Variants in NRG1 observed in about 807,000 individuals in gnomAD.
The protein encoded by NRG1 is neuregulin 1.
In NRG1, 18 loss-of-function variants were observed where a neutral mutation model predicts 63.8. That is an observed-to-expected ratio of 0.28 (90% CI 0.19 to 0.42). The LOEUF (loss-of-function observed/expected upper bound fraction) is 0.42. Ranked by LOEUF, NRG1 falls within the 10% of genes least tolerant of loss-of-function variation. The pLI is 1.00. For synonymous variants in NRG1, 302 were observed against 301.3 expected (o/e 1.00, Z -0.02); for missense variants, 762 against 814.7 (o/e 0.94, Z 0.79).
intron 1 of NRG1, among the ~76,000 whole-genome samples, chr8:31,691,991 C>G (rs910055163): frequency 7.9e-5 from 12 of 152,118 alleles, no homozygotes; most frequent in African/African-American, 2.4e-5. Context: ...CACTACCACA[C>G]TCAGCTAATT....
chr8:31,975,660 A>G (rs1347467071), intron 1 of NRG1, among the ~76,000 whole-genome samples: 1 of 152,224 alleles, frequency 6.6e-6, no homozygotes, highest in Non-Finnish European at 1.5e-5. Flanking sequence ...TAGGATAATT[A>G]TGGTTTATCT....
chr8:32,186,470 AAAAAAAG>A (rs1249826669), intron 1 of NRG1, among the ~76,000 whole-genome samples: 7 of 151,988 alleles, frequency 4.6e-5, no homozygotes, highest in Admixed American at 3.3e-4. Flanking sequence ...CAAAAAAAAA[AAAAAAAG>A]AAAAAAGAAA....
chr8:31,941,065 C>T (rs1464145216), intron 1 of NRG1, among the ~76,000 whole-genome samples: 3 of 119,810 alleles, frequency 2.5e-5, no homozygotes, highest in East Asian at 2.0e-4. Flanking sequence ...GCCAGTATCA[C>T]CCTAATGCCA....
chr8:31,713,275 C>G (rs1336635895), intron 1 of NRG1, among the ~76,000 whole-genome samples: 7 of 151,860 alleles, frequency 4.6e-5, no homozygotes, highest in Non-Finnish European at 1.0e-4. Flanking sequence ...CACCACCAAG[C>G]CCGGCTAATT....
At chr8:32,307,406 A>G (rs1295003475) in intron 1 of NRG1, among the ~76,000 whole-genome samples, 1 of 151,690 alleles carries the variant, frequency 6.6e-6, no homozygotes, top group African/African-American at 2.4e-5. Flanking sequence ...AAGCAGCCAC[A>G]CCTCTCCCAA....
At chr8:32,269,531 A>T (rs1586529375) in intron 1 of NRG1, among the ~76,000 whole-genome samples, 3 of 152,248 alleles carry the variant, frequency 2.0e-5, no homozygotes, top group Non-Finnish European at 2.9e-5. Flanking sequence ...TTCCAGGTCC[A>T]TGGGGAACAA....
chr8:32,411,861 A>G (rs1282901891), intron 1 of NRG1, among the ~76,000 whole-genome samples: 3 of 152,244 alleles, frequency 2.0e-5, no homozygotes, highest in Non-Finnish European at 2.9e-5. Context: ...TCAAAATAAA[A>G]TCAAAATAAA....
intron 1 of NRG1, among the ~76,000 whole-genome samples, chr8:31,641,047 G>T (rs1007881799): frequency 6.6e-6 from 1 of 152,190 alleles, no homozygotes; most frequent in African/African-American, 2.4e-5. Context: ...TGGGTGATAT[G>T]AACTTGGCTT....
chr8:32,670,317 G>A (rs1244110522), intron 5 of NRG1, among the ~76,000 whole-genome samples: 1 of 152,130 alleles, frequency 6.6e-6, no homozygotes, highest in African/African-American at 2.4e-5. Context: ...GGAAGTTTTG[G>A]AAGTTACAAA....
At chr8:32,773,872 T>G (rs1243917998) in intron 7 of NRG1, among the ~76,000 whole-genome samples, 1 of 152,180 alleles carries the variant, frequency 6.6e-6, no homozygotes, top group African/African-American at 2.4e-5. Flanking sequence ...TTCAGTCTGA[T>G]TTTATGGTTT....
chr8:31,977,860 C>A (rs1167140829), intron 1 of NRG1, among the ~76,000 whole-genome samples: 2 of 151,724 alleles, frequency 1.3e-5, no homozygotes, highest in Non-Finnish European at 2.9e-5. Flanking sequence ...TCAGAAATAC[C>A]AAATTCATAA....
intron 1 of NRG1, among the ~76,000 whole-genome samples, chr8:31,669,440 T>C (rs547423751): frequency 6.6e-6 from 1 of 152,254 alleles, no homozygotes; most frequent in East Asian, 1.9e-4. Flanking sequence ...GGTTTTGCCA[T>C]GTTGCCCAGG....
intron 1 of NRG1, among the ~76,000 whole-genome samples, chr8:31,754,000 A>G (rs1405352750): frequency 6.6e-6 from 1 of 152,140 alleles, no homozygotes; most frequent in Non-Finnish European, 1.5e-5. Flanking sequence ...AACAACTTAA[A>G]GATGTTAAAG....
At chr8:31,764,313 AC>A (rs761485703) in intron 1 of NRG1, among the ~76,000 whole-genome samples, 4 of 152,186 alleles carry the variant, frequency 2.6e-5, no homozygotes, top group Non-Finnish European at 5.9e-5. Context: ...CAGAATATTG[AC>A]ATTGATACAG....
intron 1 of NRG1, among the ~76,000 whole-genome samples, chr8:32,051,492 A>C (rs919209096): frequency 6.6e-6 from 1 of 152,206 alleles, no homozygotes; most frequent in East Asian, 1.9e-4. Flanking sequence ...TGATAAAGAC[A>C]GGGTATGTAA....
At chr8:31,999,027 G>C (rs748277696) in intron 1 of NRG1, among the ~76,000 whole-genome samples, 3 of 151,824 alleles carry the variant, frequency 2.0e-5, no homozygotes, top group Non-Finnish European at 4.4e-5. Context: ...CGTAAAATCA[G>C]ATACTTGGTA....
chr8:32,488,600 AC>A (rs531332922), intron 1 of NRG1, among the ~76,000 whole-genome samples: 163 of 149,158 alleles, frequency 1.1e-3, no homozygotes, highest in African/African-American at 3.9e-3. Context: ...ACATGGCAAA[AC>A]CCCATCTCTA....
intron 1 of NRG1, among the ~76,000 whole-genome samples, chr8:32,511,115 A>G (rs895189386): frequency 1.3e-5 from 2 of 150,864 alleles, no homozygotes; most frequent in African/African-American, 4.8e-5. Flanking sequence ...TTTTTAAAGT[A>G]TTTTAATAGT....
At chr8:32,617,429 G>A (rs1232975938) in intron 5 of NRG1, among the ~76,000 whole-genome samples, 4 of 152,198 alleles carry the variant, frequency 2.6e-5, no homozygotes, top group Non-Finnish European at 5.9e-5. Flanking sequence ...ATTAGTTTTC[G>A]TCTATTTAAT....
Sources: allele counts gnomAD v4.1 joint callset (sites outside exome capture counted in the v4.1 genomes callset), GRCh38; gene constraint gnomAD v4.1.1; transcripts MANE v1.5; gene names NCBI Gene and HGNC (gene_info 2026-07-23, HGNC 2026-07-21).